The following SH3BGR variants were observed in gnomAD, a reference collection of about 807,000 sequenced individuals.
SH3BGR encodes SH3 domain binding glutamate rich protein.
Under a neutral mutation model 24.5 loss-of-function variants are expected in SH3BGR, and 29 were observed. The ratio of observed to expected loss-of-function variants is 1.18; its 90% CI spans 0.88 to 1.61. The LOEUF is 1.61. SH3BGR is among the 40% of genes most tolerant of loss of function. The pLI is 0.00. For synonymous variants in SH3BGR, 55 were observed against 65.7 expected, an observed-to-expected ratio of 0.84 and a Z score of 0.79; for missense variants, 162 against 205.8, an observed-to-expected ratio of 0.79 and a Z score of 1.30.
chr21:39,493,204 T>G (rs1490969633), intron 3 of SH3BGR, among the ~76,000 whole-genome samples: 1 of 152,214 alleles, frequency 6.6e-6, no homozygotes, highest in East Asian at 1.9e-4. Flanking sequence ...AGTCAATGTC[T>G]ACAAGGGTTT....
chr21:39,464,915 A>G (rs908911594), intron 2 of SH3BGR, among the ~76,000 whole-genome samples: 1 of 152,186 alleles, frequency 6.6e-6, no homozygotes, highest in African/African-American at 2.4e-5. Flanking sequence ...ATTAATATAT[A>G]TGCCCACTGA....
chr21:39,492,481 T>C (rs62222771), intron 3 of SH3BGR, among the ~76,000 whole-genome samples: 11,430 of 81,418 alleles, frequency 0.14, 552 homozygotes, highest in Non-Finnish European at 0.23. Context: ...TATATATATA[T>C]ACACACACAC....
chr21:39,493,602 T>C (rs1312223364), intron 3 of SH3BGR, among the ~76,000 whole-genome samples: 1 of 152,200 alleles, frequency 6.6e-6, no homozygotes, highest in Non-Finnish European at 1.5e-5. Flanking sequence ...ATGTGGGCTC[T>C]TTTATGGTTC....
intron 3 of SH3BGR, among the ~76,000 whole-genome samples, chr21:39,476,622 A>T (rs1209579565): frequency 6.6e-6 from 1 of 151,926 alleles, no homozygotes. Context: ...TCTCCTCCCT[A>T]TGTTCTGGAA....
intron 4 of SH3BGR, among the ~76,000 whole-genome samples, chr21:39,502,045 C>T (rs948356140): frequency 3.9e-5 from 6 of 152,188 alleles, no homozygotes; most frequent in Non-Finnish European, 7.3e-5. Context: ...TGATGGCGCA[C>T]GCCTGTAATC....
intron 1 of SH3BGR, among the ~76,000 whole-genome samples, chr21:39,461,870 A>G (rs1052501484): frequency 6.6e-6 from 1 of 151,914 alleles, no homozygotes; most frequent in South Asian, 2.1e-4. Context: ...TTTTTTTGGG[A>G]TGGAATCTTG....
intron 2 of SH3BGR, among the ~76,000 whole-genome samples, chr21:39,473,884 C>CAAA (rs71184682): frequency 8.6e-4 from 127 of 146,908 alleles, no homozygotes; most frequent in East Asian, 3.0e-3. Context: ...GACTCTGTCT[C>CAAA]AAAAAAAAAA....
intron 1 of SH3BGR, among the ~76,000 whole-genome samples, chr21:39,455,023 C>T (rs1211437332): frequency 6.6e-6 from 1 of 152,210 alleles, no homozygotes; most frequent in African/African-American, 2.4e-5. Flanking sequence ...GCCTTCCAAG[C>T]TAGGATGGAA....
intron 2 of SH3BGR, among the ~76,000 whole-genome samples, chr21:39,465,322 A>G (rs193020975): frequency 6.6e-6 from 1 of 152,228 alleles, no homozygotes; most frequent in East Asian, 1.9e-4. Flanking sequence ...GTACTTGTTT[A>G]ATGTTCTCCT....
At chr21:39,488,758 T>C (rs546110419) in intron 3 of SH3BGR, 26 of 438,496 alleles carry the variant, frequency 5.9e-5, no homozygotes, top group African/African-American at 5.2e-4. Context: ...CAGCAATGGT[T>C]GTCAACTCTG....
At chr21:39,467,286 GAAAGA>G (rs2077860239) in intron 2 of SH3BGR, among the ~76,000 whole-genome samples, 1 of 152,052 alleles carries the variant, frequency 6.6e-6, no homozygotes, top group Non-Finnish European at 1.5e-5. Context: ...TTGCGGAGGA[GAAAGA>G]AAAGGTTTTC....
intron 3 of SH3BGR, among the ~76,000 whole-genome samples, chr21:39,484,444 T>C (rs1324126857): frequency 6.6e-6 from 1 of 152,246 alleles, no homozygotes; most frequent in Non-Finnish European, 1.5e-5. Context: ...AAAAAAATTA[T>C]ATTTTGAGAT....
chr21:39,490,190 A>T (rs771453664), intron 3 of SH3BGR, among the ~76,000 whole-genome samples: 1 of 152,232 alleles, frequency 6.6e-6, no homozygotes, highest in African/African-American at 2.4e-5. Flanking sequence ...CAGAACATTT[A>T]TGTTAACAAG....
intron 1 of SH3BGR, among the ~76,000 whole-genome samples, chr21:39,452,761 T>A (rs1428791436): frequency 6.6e-6 from 1 of 152,166 alleles, no homozygotes; most frequent in Non-Finnish European, 1.5e-5. Flanking sequence ...AACCAGTGCT[T>A]TGTCTAATTT....
intron 1 of SH3BGR, among the ~76,000 whole-genome samples, chr21:39,461,069 C>T (rs1008027047): frequency 5.3e-5 from 8 of 151,028 alleles, no homozygotes; most frequent in Non-Finnish European, 5.9e-5. Context: ...AAAAAAGATA[C>T]GAGAGCATCT....
Position 39,451,988 on chromosome 21 carries a change from T to A in SH3BGR, c.-109T>A, listed in dbSNP as rs368592023. On this transcript the variant is annotated 5_prime_UTR_variant, in exon 1 of 7. Coordinates refer to ENST00000333634, the MANE Select transcript of SH3BGR (RefSeq NM_007341.3). ...GGAGCCCAGTGGACCCCTGGGCTGC[T>A]GCCAGCCCCGACCTGGCACTTGCTT... is the stretch of plus-strand genomic sequence containing the variant. 1.2e-6 allele frequency: 2 copies of A among 1,614,062 alleles called. No individual in the cohort carries two copies. Among genetic ancestry groups the A allele is most frequent in the African/African-American group, 2.7e-5 (2 of 74,932 alleles).
chr21:39,488,730 G>A, intron 3 of SH3BGR: 1 of 458,052 alleles, frequency 2.2e-6, no homozygotes, highest in Non-Finnish European at 4.4e-6. Flanking sequence ...TAGAGATGCT[G>A]GCGGCCGGGC....
At chr21:39,498,684 T>TA (rs1240443787) in intron 3 of SH3BGR, among the ~76,000 whole-genome samples, 2 of 152,084 alleles carry the variant, frequency 1.3e-5, no homozygotes, top group East Asian at 3.9e-4. Flanking sequence ...ACCACAGAGG[T>TA]AAACACTGGT....
In SH3BGR at chr21:39,511,354, G is replaced by T. The variant is rs2078690624; in HGVS notation, c.436-326G>T. 2.7e-5 allele frequency among the ~76,000 whole-genome samples: 4 copies of T among 148,500 alleles called. No homozygotes were observed. The South Asian group carries it at 8.6e-4, about 32-fold the overall frequency. ...GTCTGGTGTGTGTGTGTGCTATGTG[G>T]TGTTTGGTATTTGTGTGTGGTGTGT... On this transcript the variant is annotated intron_variant, in intron 5 of 6. Transcript: ENST00000333634. This position sits in a 1 kb window ranked among gnomAD's most constrained non-coding sequence, Gnocchi z 4.2.
Sources: gnomAD v4.1 joint callset for allele counts (sites outside exome capture counted in the v4.1 genomes callset) on GRCh38, gnomAD v4.1.1 for gene constraint, Gnocchi (gnomAD v3.1) non-coding constraint, MANE v1.5 for transcripts, NCBI Gene and HGNC (gene_info 2026-07-23, HGNC 2026-07-21) for gene names.